CCNP: variants seen among roughly 807,000 people sequenced by gnomAD.
The protein encoded by CCNP is cyclin P, also known as cyclin-P.
CCNP carries 18 observed loss-of-function variants against 19.6 expected under a neutral mutation model. The observed-to-expected ratio is 0.92, with a 90% CI of 0.64 to 1.36. The LOEUF is 1.36. Among genes scored for constraint, CCNP ranks in the 40% most tolerant of loss-of-function variants. The pLI is 0.00. For synonymous variants in CCNP, 228 were observed against 194.9 expected, an observed-to-expected ratio of 1.17 and a Z score of -1.41; for missense variants, 440 against 424.4, an observed-to-expected ratio of 1.04 and a Z score of -0.32.
intron 1 of CCNP, 155 bp from the exon 2 acceptor site, chr19:40,224,966 C>G (rs1463945259): frequency 3.1e-6 from 2 of 645,848 alleles, no homozygotes; most frequent in Admixed American, 2.9e-5. Context: ...CTTACGTGTC[C>G]TCACCTAGAA....
chr19:40,223,480 G>A lies in CCNP; in HGVS notation c.580C>T (p.Arg194Cys). The change falls in exon 4 of 5, where the codon CGC becomes TGC. Residue 194 changes from arginine (R) to cysteine (C), a missense_variant. Transcript: ENST00000430325. ...CGGAAATCCAGGCGGCTCAGGATGC[G>A]ACGCTCGGCGCGCAGCAGCTCCGCC... ...SRAELLRAER[R>C]ILSRLDFRLH... 2 of 1,610,966 alleles carry A rather than the reference G, an allele frequency of 1.2e-6. No homozygotes were observed. The highest frequency in any genetic ancestry group is 1.7e-5 in the Admixed American group (1 of 59,836).
rs778671929 is a variant in CCNP, at chr19:40,223,150, A to C, written c.826T>G (p.Cys276Gly). ...CATACACTTCCTCCGCCAAGACTAC[A>C]CCTGTAAAGTTCTGGCTGGAGCCTG... ...GSRLQPELYR[C>G]SLGGGSVWGH... The change falls in exon 5 of 5, where the codon TGT (cysteine) becomes GGT (glycine). Residue 276 changes from cysteine to glycine, a missense_variant. Physicochemically the swap from Cys to Gly is radical, Grantham distance 159. Coordinates refer to ENST00000430325, the MANE Select transcript of CCNP (RefSeq NM_024877.4). The C allele has an allele frequency of 2.2e-5, 34 of 1,551,372 alleles. No individual in the cohort carries two copies. In the South Asian group the frequency reaches 3.6e-4, roughly 16 times the overall value.
rs1307809475 is a variant in CCNP at position 40,226,622 on chromosome 19, T to C, written c.20A>G (p.Asp7Gly). 1 of 1,578,736 alleles carries C rather than the reference T, an allele frequency of 6.3e-7. No individual in the cohort carries two copies. Among genetic ancestry groups the C allele is most frequent in the Admixed American group, 1.8e-5 (1 of 54,412 alleles). ...CCCGAGCCGGGAGCCGGACCCCTGGTCCCTGCCTCTCACCAGCATCCTCCA... is the reference window on the plus strand; with the variant it reads ...CCCGAGCCGGGAGCCGGACCCCTGGCCCCTGCCTCTCACCAGCATCCTCCA... MLVRGR[D>G]QGSGSRLGPI... The change falls in exon 1 of 5, where the codon GAC (aspartate) becomes GGC (glycine). Residue 7 changes from aspartate to glycine, a missense_variant. Coordinates refer to ENST00000430325, the MANE Select transcript of CCNP (RefSeq NM_024877.4).
chr19:40,225,305 C>T (rs1489106250), intron 1 of CCNP, among the ~76,000 whole-genome samples: 1 of 152,080 alleles, frequency 6.6e-6, no homozygotes, highest in African/African-American at 2.4e-5. Flanking sequence ...GTGATCCGCC[C>T]ACCTCAGCCT....
rs985293855 is a variant in CCNP at position 40,223,183 on chromosome 19, C to T, written c.793G>A (p.Ala265Thr). The change falls in exon 5 of 5, where the codon GCG becomes ACG. Residue 265 changes from alanine to threonine, a missense_variant. Physicochemically the swap from Ala to Thr is moderately conservative, Grantham distance 58. Transcript: ENST00000430325. Reference protein sequence around the residue: ...LSLAHRLLDGAGSRLQPELYR... With the variant: ...LSLAHRLLDGTGSRLQPELYR... ...AGTTCTGGCTGGAGCCTGGAGCCCG[C>T]CCCGTCGAGCAAGCGGTGCGCCAGG... The T allele has an allele frequency of 2.9e-5, 45 of 1,551,134 alleles. No homozygotes were observed. The highest frequency in any genetic ancestry group is 3.7e-5 in the Non-Finnish European group (42 of 1,146,912).
Position 40,223,506 on chromosome 19 carries a change from C to T in CCNP, c.554G>A (p.Arg185Gln), listed in dbSNP as rs764573952. The change falls in exon 4 of 5, where the codon CGG becomes CAG. Residue 185 changes from arginine (R) to glutamine (Q), a missense_variant. Coordinates refer to ENST00000430325, the MANE Select transcript of CCNP (RefSeq NM_024877.4). The stretch of plus-strand genomic sequence containing the variant: ...ACGCTCGGCGCGCAGCAGCTCCGCC[C>T]GTGAGAAGGAGTCCGCGCTCAGGAG... The part of the protein sequence containing the change: ...LCLLSADSFS[R>Q]AELLRAERRI... The T allele has an allele frequency of 4.4e-6, 7 of 1,607,978 alleles. No homozygotes were observed. The highest frequency in any genetic ancestry group is 6.0e-6 in the Non-Finnish European group (7 of 1,176,128).
chr19:40,226,686 A>C lies in CCNP; in HGVS notation c.-45T>G. 1 of 1,484,866 alleles carries C rather than the reference A, an allele frequency of 6.7e-7. No individual in the cohort carries two copies. The highest frequency in any genetic ancestry group is 8.9e-7 in the Non-Finnish European group (1 of 1,118,936). 92.0% of individuals were successfully genotyped at this position (1,484,866 alleles called of 1,614,324 possible). A position where few individuals can be genotyped will look rare whatever the true frequency, so the allele number is the denominator to read the frequency against. On this transcript the variant is annotated 5_prime_UTR_variant, in exon 1 of 5. Transcript: ENST00000430325. ...GGCGAGGCCAAGCACCGACCCTTGC[A>C]GCTAGGGGAAGAGACGCGCGGCGGG...
Position 40,222,705 on chromosome 19 carries a change from A to G in CCNP, c.*347T>C. On this transcript the variant is annotated 3_prime_UTR_variant, in exon 5 of 5. Coordinates refer to ENST00000430325, the MANE Select transcript of CCNP (RefSeq NM_024877.4). Reference sequence around the variant, plus strand: ...AGGGCGCGGCTAGTGCGGAGTCAGAACACTCGAGGAAGCAAGGAGGGGAGC... The same window carrying G: ...AGGGCGCGGCTAGTGCGGAGTCAGAGCACTCGAGGAAGCAAGGAGGGGAGC... 1 of 405,864 alleles carries G rather than the reference A, an allele frequency of 2.5e-6. No individual in the cohort carries two copies. The allele number at this position is 405,864 out of a possible 1,614,324, so 25.1% of individuals were successfully genotyped here.
At chr19:40,225,113 G>A (rs1367018365) in intron 1 of CCNP, among the ~76,000 whole-genome samples, 2 of 150,364 alleles carry the variant, frequency 1.3e-5, no homozygotes, top group Non-Finnish European at 2.9e-5. Flanking sequence ...AGGCTGGAGT[G>A]CAATGGCGCA....
Position 40,223,093 on chromosome 19 carries a change from A to G in CCNP, c.883T>C (p.Trp295Arg), listed in dbSNP as rs1188424877. The change falls in exon 5 of 5, where the codon TGG becomes CGG. Residue 295 changes from tryptophan (W) to arginine (R), a missense_variant. Transcript: ENST00000430325. ...ATTCTCCGAGACCGTAAAAATGACCAGGAAGGTAAGTCCCTGAAGCTGCGG... is the reference window on the plus strand; with the variant it reads ...ATTCTCCGAGACCGTAAAAATGACCGGGAAGGTAAGTCCCTGAAGCTGCGG... ...GHRSFRDLPS[W>R]SFLRSRRMRD... 6.5e-7 allele frequency: 1 copy of G among 1,549,864 alleles called. No individual in the cohort carries two copies. The highest frequency in any genetic ancestry group is 8.7e-7 in the Non-Finnish European group (1 of 1,145,752).
chr19:40,226,499 A>T lies in CCNP; in HGVS notation c.143T>A (p.Phe48Tyr). Residue 48 changes from phenylalanine to tyrosine, a missense_variant, in exon 1 of 5, where the codon TTC becomes TAC. Coordinates refer to ENST00000430325, the MANE Select transcript of CCNP (RefSeq NM_024877.4). ...EPSSAAVPDG[F>Y]PAGPTVSPRR... ...TGGGGAGACAGTGGGGCCCGCGGGGAAGCCGTCGGGGACTGCGGCGCTTGA... is the reference window on the plus strand; with the variant it reads ...TGGGGAGACAGTGGGGCCCGCGGGGTAGCCGTCGGGGACTGCGGCGCTTGA... 1 of 1,601,292 alleles carries T rather than the reference A, an allele frequency of 6.2e-7. No homozygotes were observed. The highest frequency in any genetic ancestry group is 1.1e-5 in the South Asian group (1 of 89,700).
chr19:40,222,917 G>A lies in CCNP; in HGVS notation c.*135C>T, dbSNP rs1973469239. The A allele has an allele frequency of 1.7e-5, 10 of 593,240 alleles. No individual in the cohort carries two copies. In the South Asian group the frequency reaches 2.0e-4, roughly 12 times the overall value. 36.7% of individuals were successfully genotyped at this position (593,240 alleles called of 1,614,324 possible). A position where few individuals can be genotyped will look rare whatever the true frequency, so the allele number is the denominator to read the frequency against. ...CGTTCTCAGCCCTGGAAGGCAATAG[G>A]AGCATCTTCTGGGCCTGGGAGACTA... On this transcript the variant is annotated 3_prime_UTR_variant, in exon 5 of 5. Transcript: ENST00000430325.
intron 3 of CCNP, among the ~76,000 whole-genome samples, chr19:40,223,843 A>T (rs543460294): frequency 2.0e-5 from 3 of 150,652 alleles, no homozygotes; most frequent in Non-Finnish European, 3.0e-5. Context: ...TTCACCAGGC[A>T]GTTCTGATAA....
rs1390873517 is a variant in CCNP at position 40,223,094 on chromosome 19, G to A, written c.882C>T (p.Ser294=). Reference sequence around the variant, plus strand: ...TTCTCCGAGACCGTAAAAATGACCAGGAAGGTAAGTCCCTGAAGCTGCGGT... The same window carrying A: ...TTCTCCGAGACCGTAAAAATGACCAAGAAGGTAAGTCCCTGAAGCTGCGGT... ...WGHRSFRDLP[S]WSFLRSRRMR... Residue 294 remains serine (S), a synonymous_variant, in exon 5 of 5, where the codon TCC becomes TCT. Coordinates refer to ENST00000430325, the MANE Select transcript of CCNP (RefSeq NM_024877.4). 1 of 1,549,924 alleles carries A rather than the reference G, an allele frequency of 6.5e-7. No homozygotes were observed. Among genetic ancestry groups the A allele is most frequent in the Non-Finnish European group, 8.7e-7 (1 of 1,145,814 alleles).
At position 40,224,477 on chromosome 19, in the gene CCNP, C is replaced by T. The variant is rs776428036; in HGVS notation, c.513+11G>A. The T allele has an allele frequency of 6.2e-7, 1 of 1,613,528 alleles. No individual in the cohort carries two copies. The highest frequency in any genetic ancestry group is 1.1e-5 in the South Asian group (1 of 91,024). ...CTCCATCCACCCTCCCAAACCCCAC[C>T]CCGGAAGTACCTCGGGAAGCACGCA... On this transcript the variant is annotated intron_variant, in intron 3 of 4. Transcript: ENST00000430325.
At position 40,226,663 on chromosome 19, in the gene CCNP, C is replaced by T. The variant is rs772911166; in HGVS notation, c.-22G>A. On this transcript the variant is annotated 5_prime_UTR_variant, in exon 1 of 5. Transcript: ENST00000430325. ...GCATCCTCCAGGAGGGTGTTGCGGG[C>T]GAGGCCAAGCACCGACCCTTGCAGC... 1 of 1,540,084 alleles carries T rather than the reference C, an allele frequency of 6.5e-7. No individual in the cohort carries two copies. The highest frequency in any genetic ancestry group is 8.7e-7 in the Non-Finnish European group (1 of 1,146,716).
Position 40,224,476 on chromosome 19 carries a change from C to A in CCNP, c.513+12G>T. On this transcript the variant is annotated intron_variant, in intron 3 of 4. Transcript: ENST00000430325. ...ACTCCATCCACCCTCCCAAACCCCA[C>A]CCCGGAAGTACCTCGGGAAGCACGC... The A allele has an allele frequency of 6.2e-7, 1 of 1,613,312 alleles. No individual in the cohort carries two copies. Among genetic ancestry groups the A allele is most frequent in the Non-Finnish European group, 8.5e-7 (1 of 1,179,512 alleles).
In CCNP at chr19:40,222,692, G is replaced by T; in HGVS notation, c.*360C>A. ...CTATTCTTCCTACAGGGCGCGGCTA[G>T]TGCGGAGTCAGAACACTCGAGGAAG... On this transcript the variant is annotated 3_prime_UTR_variant, in exon 5 of 5. Transcript: ENST00000430325. 2.5e-6 allele frequency: 1 copy of T among 404,484 alleles called. No homozygotes were observed. The highest frequency in any genetic ancestry group is 4.3e-6 in the Non-Finnish European group (1 of 230,280). The allele number at this position is 404,484 out of a possible 1,614,324, so 25.1% of individuals were successfully genotyped here.
At chr19:40,223,711 G>C in intron 3 of CCNP, 165 bp from the exon 4 acceptor site, 1 of 925,756 alleles carries the variant, frequency 1.1e-6, no homozygotes, top group Non-Finnish European at 1.7e-6. Flanking sequence ...GAGGGTCCTG[G>C]GTTCAAGACC....
Sources: allele counts gnomAD v4.1 joint callset (sites outside exome capture counted in the v4.1 genomes callset), GRCh38; gene constraint gnomAD v4.1.1; transcripts MANE v1.5; gene names NCBI Gene and HGNC (gene_info 2026-07-23, HGNC 2026-07-21).